The following STING1 variants were observed in gnomAD, a reference collection of about 807,000 sequenced individuals.
STING1 encodes the protein stimulator of interferon response cGAMP interactor 1.
In STING1, 19 loss-of-function variants were observed where a neutral mutation model predicts 31.6. That is an observed-to-expected ratio of 0.60 (90% CI 0.42 to 0.88). The LOEUF is 0.88. Among genes scored for constraint, STING1 ranks in the 40% least tolerant of loss-of-function variants. The pLI is 0.00. For missense variants in STING1, 371 were observed against 483.7 expected (o/e 0.77, Z 2.19); for synonymous variants, 200 against 208.6 (o/e 0.96, Z 0.35).
rs772357103 is a variant in STING1 at position 139,478,279 on chromosome 5, G to A, written c.750C>T (p.Asn250=). 1.9e-5 allele frequency: 30 copies of A among 1,612,658 alleles called. 1 individual carries two copies. Among genetic ancestry groups the A allele is most frequent in the South Asian group, 1.5e-4 (14 of 91,042 alleles). The change falls in exon 6 of 8, where the codon AAC becomes AAT. Residue 250 remains asparagine, a synonymous_variant. Coordinates refer to ENST00000330794, the MANE Select transcript of STING1 (RefSeq NM_198282.4). ...YSNSIYELLE[N]GQRAGTCVLE... is the part of the protein sequence containing the mutation. ...TCCCCTGCACACTTACCCGCTGCCC[G>A]TTCTCCAGAAGCTCATAGATGCTGT... is the stretch of plus-strand genomic sequence containing the variant.
intron 6 of STING1, 37 bp from the exon 7 acceptor site, chr5:139,477,552 G>C: frequency 1.3e-6 from 2 of 1,596,658 alleles, no homozygotes; most frequent in Non-Finnish European, 1.7e-6. Context: ...CTAAGCCAGG[G>C]GCCAGGCGGA....
rs545071885 is a variant in STING1 at position 139,480,494 on chromosome 5, G to A, written c.520+296C>T. Among the ~76,000 whole-genome samples, 28 of 152,244 alleles carry A rather than the reference G, an allele frequency of 1.8e-4. No homozygotes were observed. The South Asian group carries it at 5.0e-3, about 27-fold the overall frequency. On this transcript the variant is annotated intron_variant, in intron 5 of 7. Transcript: ENST00000330794. Reference sequence around the variant, plus strand: ...TTGGAAGGAGGAGGTTGCAGTAGCCGAGATGGTACCACTGCACTCTAGCCT... The same window carrying A: ...TTGGAAGGAGGAGGTTGCAGTAGCCAAGATGGTACCACTGCACTCTAGCCT...
rs1751823476 is a variant in STING1, at chr5:139,481,036, A to G, written c.411+123T>C. ...GCCAAACCCACTGTTCCAGGACATT[A>G]TAGGTTCTACTCCATGGACTCCAGC... is the stretch of plus-strand genomic sequence containing the variant. On this transcript the variant is annotated intron_variant, in intron 4 of 7. Transcript: ENST00000330794. The surrounding 1 kb of genome is among the most constrained non-coding windows in gnomAD (Gnocchi z 4.1). 2 of 1,216,500 alleles carry G rather than the reference A, an allele frequency of 1.6e-6. No homozygotes were observed. Among genetic ancestry groups the G allele is most frequent in the Admixed American group, 1.8e-5 (1 of 54,720 alleles). 75.4% of individuals were successfully genotyped at this position (1,216,500 alleles called of 1,614,324 possible). A position where few individuals can be genotyped will look rare whatever the true frequency, so the allele number is the denominator to read the frequency against.
At position 139,481,369 on chromosome 5, in the gene STING1, C is replaced by A; in HGVS notation, c.228-27G>T. Reference sequence around the variant, plus strand: ...TGTGAGTGACAGCCAGACCCCAGACCCCAGCCCCCAGCCCAGCTCAGCCAG... The same window carrying A: ...TGTGAGTGACAGCCAGACCCCAGACACCAGCCCCCAGCCCAGCTCAGCCAG... On this transcript the variant is annotated intron_variant, in intron 3 of 7. Transcript: ENST00000330794. The surrounding 1 kb of genome is among the most constrained non-coding windows in gnomAD (Gnocchi z 4.1). 10 of 1,578,216 alleles carry A rather than the reference C, an allele frequency of 6.3e-6. No individual in the cohort carries two copies. The highest frequency in any genetic ancestry group is 8.6e-6 in the Non-Finnish European group (10 of 1,160,198).
Position 139,476,319 on chromosome 5 carries a change from G to A in STING1, c.1082C>T (p.Pro361Leu), listed in dbSNP as rs1272853302. Reference protein sequence around the residue: ...VPSTSTMSQEPELLISGMEKP... With the variant: ...VPSTSTMSQELELLISGMEKP... ...TTCCATTCCACTGATGAGGAGCTCAGGCTCTTGGGACATCGTGGAGGTACT... is the reference window on the plus strand; with the variant it reads ...TTCCATTCCACTGATGAGGAGCTCAAGCTCTTGGGACATCGTGGAGGTACT... Residue 361 changes from proline to leucine, a missense_variant, in exon 8 of 8, where the codon CCT (proline) becomes CTT (leucine). Physicochemically the swap from Pro to Leu is moderately conservative, Grantham distance 98. Transcript: ENST00000330794. 1 of 1,611,344 alleles carries A rather than the reference G, an allele frequency of 6.2e-7. No individual in the cohort carries two copies. The highest frequency in any genetic ancestry group is 1.3e-5 in the African/African-American group (1 of 74,858).
chr5:139,481,062 C>A lies in STING1; in HGVS notation c.411+97G>T. ...TAGGTTCTACTCCATGGACTCCAGC[C>A]TTTAAACCAGTCCCACTCCCAGTAC... On this transcript the variant is annotated intron_variant, in intron 4 of 7. Transcript: ENST00000330794. The surrounding 1 kb of genome is among the most constrained non-coding windows in gnomAD (Gnocchi z 4.1). 7.3e-7 allele frequency: 1 copy of A among 1,369,378 alleles called. No homozygotes were observed. Among genetic ancestry groups the A allele is most frequent in the African/African-American group, 1.4e-5 (1 of 70,016 alleles). The allele number at this position is 1,369,378 out of a possible 1,614,324, so 84.8% of individuals were successfully genotyped here.
At chr5:139,480,471 G>C (rs1377358280) in intron 5 of STING1, among the ~76,000 whole-genome samples, 2 of 152,108 alleles carry the variant, frequency 1.3e-5, no homozygotes, top group Admixed American at 6.6e-5. Flanking sequence ...ACTTGAACTT[G>C]GAAGGAGGAG....
chr5:139,481,355 G>GCCAGACC lies in STING1; in HGVS notation c.228-20_228-14dup. ...GCTGCCCCGGTACCTGTGAGTGACA[G>GCCAGACC]CCAGACCCCAGACCCCAGCCCCCAG... On this transcript the variant is annotated splice_polypyrimidine_tract_variant and intron_variant, in intron 3 of 7. Coordinates refer to ENST00000330794, the MANE Select transcript of STING1 (RefSeq NM_198282.4). This position sits in a 1 kb window ranked among gnomAD's most constrained non-coding sequence, Gnocchi z 4.1. 5.1e-6 allele frequency: 8 copies of GCCAGACC among 1,584,020 alleles called. No homozygotes were observed. Among genetic ancestry groups the GCCAGACC allele is most frequent in the East Asian group, 2.2e-5 (1 of 44,684 alleles).
chr5:139,480,723 A>T (rs1751811496), intron 5 of STING1, 67 bp downstream of exon 5: 1 of 998,978 alleles, frequency 1.0e-6, no homozygotes, highest in African/African-American at 1.6e-5. Flanking sequence ...GTTTAGAAAC[A>T]CAAGAGGCTG....
chr5:139,478,497 G>C lies in STING1; in HGVS notation c.532C>G (p.Arg178Gly). ...LRLILPELQA[R>G]IRTYNQHYNN... ...TAATGCTGATTGTAAGTTCGAATCC[G>C]GGCCTGGAGCTCTGAGGCAGGGAAG... is the stretch of plus-strand genomic sequence containing the variant. Residue 178 changes from arginine to glycine, a missense_variant, in exon 6 of 8, where the codon CGG becomes GGG. Transcript: ENST00000330794. 1 of 1,613,936 alleles carries C rather than the reference G, an allele frequency of 6.2e-7. No individual in the cohort carries two copies. The highest frequency in any genetic ancestry group is 1.3e-5 in the African/African-American group (1 of 75,002).
At position 139,480,869 on chromosome 5, in the gene STING1, C is replaced by T; in HGVS notation, c.441G>A (p.Val147=). The T allele has an allele frequency of 6.2e-7, 1 of 1,614,070 alleles. No individual in the cohort carries two copies. Among genetic ancestry groups the T allele is most frequent in the Non-Finnish European group, 8.5e-7 (1 of 1,179,954 alleles). The change falls in exon 5 of 8, where the codon GTG becomes GTA. Residue 147 remains valine (V), a synonymous_variant. Coordinates refer to ENST00000330794, the MANE Select transcript of STING1 (RefSeq NM_198282.4). ...CCACGTTGAAATTCCCTTTTTCACA[C>T]ACTGCAGAGATCTCAGCTGGGGCCA... is the stretch of plus-strand genomic sequence containing the variant. ...KGLAPAEISA[V]CEKGNFNVAH...
rs760881550 is a variant in STING1, at chr5:139,481,355, G to C, written c.228-13C>G. On this transcript the variant is annotated splice_polypyrimidine_tract_variant and intron_variant, in intron 3 of 7. Coordinates refer to ENST00000330794, the MANE Select transcript of STING1 (RefSeq NM_198282.4). This position sits in a 1 kb window ranked among gnomAD's most constrained non-coding sequence, Gnocchi z 4.1. ...GCTGCCCCGGTACCTGTGAGTGACA[G>C]CCAGACCCCAGACCCCAGCCCCCAG... 7 of 1,583,902 alleles carry C rather than the reference G, an allele frequency of 4.4e-6. No homozygotes were observed. Among genetic ancestry groups the C allele is most frequent in the Middle Eastern group, 1.7e-4 (1 of 5,934 alleles).
Position 139,478,303 on chromosome 5 carries a change from G to C in STING1, c.726C>G (p.Asn242Lys). The change falls in exon 6 of 8, where the codon AAC (asparagine) becomes AAG (lysine). Residue 242 changes from asparagine to lysine, a missense_variant. Asn to Lys is a moderately conservative substitution (Grantham distance 94, BLOSUM62 0). Transcript: ENST00000330794. ...CGTTCTCCAGAAGCTCATAGATGCT[G>C]TTGCTGTAAACCCGATCCTTGATGC... The part of the protein sequence containing the change: ...HAGIKDRVYS[N>K]SIYELLENGQ... 1 of 1,614,078 alleles carries C rather than the reference G, an allele frequency of 6.2e-7. No individual in the cohort carries two copies. Among genetic ancestry groups the C allele is most frequent in the African/African-American group, 1.3e-5 (1 of 75,024 alleles).
chr5:139,481,078 C>T lies in STING1; in HGVS notation c.411+81G>A. On this transcript the variant is annotated intron_variant, in intron 4 of 7. Transcript: ENST00000330794. This position sits in a 1 kb window ranked among gnomAD's most constrained non-coding sequence, Gnocchi z 4.1. ...GACTCCAGCCTTTAAACCAGTCCCA[C>T]TCCCAGTACTCAGCTCAGGGCAGGT... 1 of 1,438,140 alleles carries T rather than the reference C, an allele frequency of 7.0e-7. No homozygotes were observed. 89.1% of individuals were successfully genotyped at this position (1,438,140 alleles called of 1,614,324 possible). A position where few individuals can be genotyped will look rare whatever the true frequency, so the allele number is the denominator to read the frequency against.
chr5:139,477,280 C>A (rs1243940062), intron 7 of STING1, 49 bp downstream of exon 7: 1 of 1,588,940 alleles, frequency 6.3e-7, no homozygotes, highest in Non-Finnish European at 8.6e-7. Context: ...GGACCCCTGA[C>A]TCCTCCTGCC....
chr5:139,477,350 AGTT>A lies in STING1; in HGVS notation c.922_924del (p.Asn308del). 6.2e-7 allele frequency: 1 copy of A among 1,614,012 alleles called. No individual in the cohort carries two copies. The highest frequency in any genetic ancestry group is 8.5e-7 in the Non-Finnish European group (1 of 1,179,992). On this transcript the variant is annotated inframe_deletion, in exon 7 of 8. Coordinates refer to ENST00000330794, the MANE Select transcript of STING1 (RefSeq NM_198282.4). ...TCACCCTGGTAGGCAATGAGGCGGC[AGTT>A]GTTCTGAGACTCAGGGGCATCTGCC... is the stretch of plus-strand genomic sequence containing the variant.
intron 7 of STING1, 67 bp from the exon 8 acceptor site, chr5:139,476,521 G>T: frequency 6.8e-7 from 1 of 1,461,662 alleles, no homozygotes; most frequent in Non-Finnish European, 9.3e-7. Context: ...CATACCTAGA[G>T]AACTTGCTGG....
rs758939417 is a variant in STING1, at chr5:139,476,400, C to T, written c.1001G>A (p.Arg334Gln). 31 of 1,612,410 alleles carry T rather than the reference C, an allele frequency of 1.9e-5. No homozygotes were observed. The highest frequency in any genetic ancestry group is 6.7e-5 in the Admixed American group (4 of 60,000). ...SLSQEVLRHL[R>Q]QEEKEEVTVG... is the part of the protein sequence containing the mutation. The stretch of plus-strand genomic sequence containing the variant: ...AGTAACCTCTTCCTTTTCCTCCTGC[C>T]GCAGGTGCCGGAGAACCTCCTGGGA... Residue 334 changes from arginine to glutamine, a missense_variant, in exon 8 of 8, where the codon CGG (arginine) becomes CAG (glutamine). By Grantham distance (43) the Arg-to-Gln change is conservative. Transcript: ENST00000330794.
At chr5:139,480,747 C>G (rs765227706) in intron 5 of STING1, 43 bp downstream of exon 5, 1 of 1,269,118 alleles carries the variant, frequency 7.9e-7, no homozygotes, top group Non-Finnish European at 1.2e-6. Context: ...GTCTTAGTGT[C>G]TGTTTTGTAG....
Sources: allele counts gnomAD v4.1 joint callset (sites outside exome capture counted in the v4.1 genomes callset), GRCh38; gene constraint gnomAD v4.1.1; non-coding constraint Gnocchi (gnomAD v3.1); transcripts MANE v1.5; gene names NCBI Gene and HGNC (gene_info 2026-07-23, HGNC 2026-07-21).